The following WIPF1 variants were observed in gnomAD, a reference collection of about 807,000 sequenced individuals.
The protein encoded by WIPF1 is WAS/WASL-interacting protein family member 1.
In WIPF1, 13 loss-of-function variants were observed where a neutral mutation model predicts 35.4. The ratio of observed to expected loss-of-function variants is 0.37; its 90% CI spans 0.24 to 0.58. The LOEUF (loss-of-function observed/expected upper bound fraction) is 0.58, where lower values mean the gene tolerates loss of function less well. Among genes scored for constraint, WIPF1 ranks in the 20% least tolerant of loss-of-function variants. WIPF1 has a pLI of 0.74. For missense variants in WIPF1, 591 were observed against 667.0 expected (o/e 0.89, Z 1.25); for synonymous variants, 267 against 266.3 (o/e 1.00, Z -0.02).
At chr2:174,605,402 C>T (rs1267085953) in intron 1 of WIPF1, among the ~76,000 whole-genome samples, 3 of 152,184 alleles carry the variant, frequency 2.0e-5, no homozygotes, top group African/African-American at 7.2e-5. Context: ...TACGCCACTG[C>T]ATTCCAGCCT....
chr2:174,642,752 T>C (rs2105949747), intron 1 of WIPF1, among the ~76,000 whole-genome samples: 1 of 149,026 alleles, frequency 6.7e-6, no homozygotes, highest in South Asian at 2.1e-4. Flanking sequence ...TGCCCTCAAA[T>C]GATCCTCCTA....
At chr2:174,638,461 A>T (rs1269439162) in intron 1 of WIPF1, among the ~76,000 whole-genome samples, 1 of 152,116 alleles carries the variant, frequency 6.6e-6, no homozygotes, top group Admixed American at 6.6e-5. Context: ...TTTACCATTA[A>T]CCATAGCCTC....
At chr2:174,617,249 TC>T (rs1255940693) in intron 1 of WIPF1, among the ~76,000 whole-genome samples, 1 of 152,190 alleles carries the variant, frequency 6.6e-6, no homozygotes, top group Non-Finnish European at 1.5e-5. Context: ...GTGGCACCAG[TC>T]AGTCATCCTC....
chr2:174,607,686 C>T (rs1270422805), intron 1 of WIPF1, among the ~76,000 whole-genome samples: 1 of 152,050 alleles, frequency 6.6e-6, no homozygotes, highest in African/African-American at 2.4e-5. Context: ...TGCTTGCTGT[C>T]CCCTCTTCTG....
chr2:174,682,430 G>A (rs1411614448), intron 1 of WIPF1, among the ~76,000 whole-genome samples: 1 of 152,202 alleles, frequency 6.6e-6, no homozygotes, highest in Non-Finnish European at 1.5e-5. Context: ...TACGGAGATA[G>A]TGGGTCCCGA....
chr2:174,640,070 A>G (rs1213705471), intron 1 of WIPF1, among the ~76,000 whole-genome samples: 2 of 152,162 alleles, frequency 1.3e-5, no homozygotes, highest in Non-Finnish European at 2.9e-5. Context: ...AGTACAAATA[A>G]ACAAATTCAA....
upstream of WIPF1, among the ~76,000 whole-genome samples, chr2:174,600,330 G>A (rs1685961219): frequency 6.6e-6 from 1 of 152,090 alleles, no homozygotes; most frequent in Non-Finnish European, 1.5e-5. Context: ...TGCATGTTAG[G>A]ACATAAATTA....
intron 2 of WIPF1, among the ~76,000 whole-genome samples, chr2:174,584,996 A>T (rs889718518): frequency 2.6e-5 from 4 of 152,052 alleles, no homozygotes; most frequent in African/African-American, 9.7e-5. Flanking sequence ...GATTTAAAGG[A>T]GGATGTGAAT....
chr2:174,679,231 GAGGCCGAGAT>G (rs1688201234), intron 1 of WIPF1, among the ~76,000 whole-genome samples: 1 of 152,154 alleles, frequency 6.6e-6, no homozygotes, highest in Non-Finnish European at 1.5e-5. Flanking sequence ...AGCACTTTGG[GAGGCCGAGAT>G]AGGCCGATCA....
intron 1 of WIPF1, among the ~76,000 whole-genome samples, chr2:174,594,213 G>C (rs909293193): frequency 1.1e-4 from 16 of 152,170 alleles, no homozygotes; most frequent in African/African-American, 3.6e-4. Flanking sequence ...TTCTTTTATA[G>C]TTCTTTTAGA....
chr2:174,664,116 C>T (rs1263651242), intron 1 of WIPF1, among the ~76,000 whole-genome samples: 4 of 150,566 alleles, frequency 2.7e-5, no homozygotes, highest in Non-Finnish European at 5.9e-5. Flanking sequence ...TCTCTCCTCT[C>T]TGTCCCTCTG....
chr2:174,563,498 G>A (rs896670848), intron 7 of WIPF1, among the ~76,000 whole-genome samples: 1 of 152,132 alleles, frequency 6.6e-6, no homozygotes, highest in African/African-American at 2.4e-5. Flanking sequence ...AACCTGAGAG[G>A]TCGAGGCTGC....
chr2:174,567,367 C>T (rs1421811290), intron 6 of WIPF1, among the ~76,000 whole-genome samples, 184 bp from the exon 7 acceptor site: 2 of 152,232 alleles, frequency 1.3e-5, no homozygotes, highest in Non-Finnish European at 2.9e-5. Context: ...GACATATATA[C>T]AGGCCTGCAA....
chr2:174,624,503 T>A (rs753165094), intron 1 of WIPF1, among the ~76,000 whole-genome samples: 28 of 152,156 alleles, frequency 1.8e-4, no homozygotes, highest in South Asian at 4.1e-4. Context: ...AGGTTTCAAT[T>A]TTCCCCTCCT....
intron 3 of WIPF1, 56 bp downstream of exon 3, chr2:174,581,254 T>C: frequency 4.4e-6 from 7 of 1,600,476 alleles, no homozygotes; most frequent in Non-Finnish European, 6.0e-6. Flanking sequence ...AGGGTAGGGT[T>C]GATTATTAGG....
At chr2:174,570,140 G>T (rs1684783316) in intron 5 of WIPF1, among the ~76,000 whole-genome samples, 1 of 152,226 alleles carries the variant, frequency 6.6e-6, no homozygotes, top group African/African-American at 2.4e-5. Context: ...CAAGTGAGGG[G>T]ATTGGTTAAA....
intron 1 of WIPF1, among the ~76,000 whole-genome samples, chr2:174,610,852 C>G (rs750932235): frequency 6.6e-6 from 1 of 152,162 alleles, no homozygotes; most frequent in Non-Finnish European, 1.5e-5. Flanking sequence ...CTTCTCCAAC[C>G]TCTAGGTCCC....
At chr2:174,624,243 T>C (rs1574843527) in intron 1 of WIPF1, among the ~76,000 whole-genome samples, 1 of 152,212 alleles carries the variant, frequency 6.6e-6, no homozygotes, top group East Asian at 1.9e-4. Context: ...ACCACATTTC[T>C]AATGACAGGT....
intron 1 of WIPF1, among the ~76,000 whole-genome samples, chr2:174,649,322 G>A (rs1325377468): frequency 1.3e-5 from 2 of 152,156 alleles, no homozygotes; most frequent in Non-Finnish European, 2.9e-5. Flanking sequence ...TGGCTGGGGA[G>A]AGATTGCTCC....
Sources: gnomAD v4.1 joint callset for allele counts (sites outside exome capture counted in the v4.1 genomes callset) on GRCh38, gnomAD v4.1.1 for gene constraint, MANE v1.5 for transcripts, NCBI Gene and HGNC (gene_info 2026-07-23, HGNC 2026-07-21) for gene names.